Variants in METTL23 observed in about 807,000 individuals in gnomAD.
METTL23 encodes histone-arginine methyltransferase METTL23.
Under a neutral mutation model 21.2 loss-of-function variants are expected in METTL23, and 24 were observed. The observed-to-expected ratio is 1.13, with a 90% CI of 0.82 to 1.59. The LOEUF is 1.59. METTL23 is among the 40% of genes most tolerant of loss of function. METTL23 has a pLI of 0.00. For synonymous variants in METTL23, 97 were observed against 75.2 expected, an observed-to-expected ratio of 1.29 and a Z score of -1.50; for missense variants, 276 against 221.4, an observed-to-expected ratio of 1.25 and a Z score of -1.57.
At chr17:76,727,995 A>G (rs1598396052) in intron 1 of METTL23, among the ~76,000 whole-genome samples, 1 of 152,186 alleles carries the variant, frequency 6.6e-6, no homozygotes, top group East Asian at 1.9e-4. Flanking sequence ...AGAGAAGTTA[A>G]ATGGGAGGCG....
At chr17:76,727,678 C>T (rs2077003129) in intron 1 of METTL23, among the ~76,000 whole-genome samples, 1 of 152,238 alleles carries the variant, frequency 6.6e-6, no homozygotes, top group African/African-American at 2.4e-5. Flanking sequence ...TGGGTTGGAC[C>T]TCGCTTCTTC....
At position 76,733,849 on chromosome 17, in the gene METTL23, T is replaced by C. The variant is rs2077359629; in HGVS notation, c.*163T>C. 1 of 515,300 alleles carries C rather than the reference T, an allele frequency of 1.9e-6. No individual in the cohort carries two copies. Among genetic ancestry groups the C allele is most frequent in the East Asian group, 3.1e-5 (1 of 31,864 alleles). 31.9% of individuals were successfully genotyped at this position (515,300 alleles called of 1,614,324 possible). ...CACCTAGACAACACTTAAACTCATA[T>C]GAAACAAAAATTAAAATACGTATTA... is the stretch of plus-strand genomic sequence containing the variant. On this transcript the variant is annotated 3_prime_UTR_variant, in exon 5 of 5. Coordinates refer to ENST00000341249, the MANE Select transcript of METTL23 (RefSeq NM_001080510.5).
Position 76,733,675 on chromosome 17 carries a change from G to A in METTL23, c.562G>A (p.Asp188Asn), listed in dbSNP as rs1252152649. ...VEMLVISFAK[D>N]SL ...AATGCTGGTCATTTCCTTTGCAAAG[G>A]ACAGTCTCTGAATTATACCTACAAC... Residue 188 changes from aspartate (D) to asparagine (N), a missense_variant, in exon 5 of 5, where the codon GAC (aspartate) becomes AAC (asparagine). By Grantham distance (23) the Asp-to-Asn change is conservative (BLOSUM62 1). Coordinates refer to ENST00000341249, the MANE Select transcript of METTL23 (RefSeq NM_001080510.5). The A allele has an allele frequency of 3.1e-6, 5 of 1,612,902 alleles. No homozygotes were observed. The South Asian group carries it at 3.3e-5, about 11-fold the overall frequency.
chr17:76,726,838 C>T, upstream of METTL23: 1 of 430,576 alleles, frequency 2.3e-6, no homozygotes, highest in Non-Finnish European at 4.7e-6. Context: ...CTGTGCCCAT[C>T]ACTTCCGGTC....
intron 1 of METTL23, 145 bp downstream of exon 1, chr17:76,727,323 G>C (rs1308234604): frequency 1.5e-5 from 5 of 339,732 alleles, no homozygotes; most frequent in Non-Finnish European, 2.9e-5. Flanking sequence ...AAAAACGTCG[G>C]ATATGAAGCC....
intron 1 of METTL23, among the ~76,000 whole-genome samples, chr17:76,729,095 G>T (rs890607032): frequency 2.0e-5 from 3 of 149,660 alleles, no homozygotes; most frequent in Non-Finnish European, 4.4e-5. Flanking sequence ...CACCACGCCC[G>T]GCCATTTTTT....
chr17:76,733,549 TACAA>T lies in METTL23; in HGVS notation c.438_441del (p.Lys147GlyfsTer3). 1 of 1,613,616 alleles carries T rather than the reference TACAA, an allele frequency of 6.2e-7. No individual in the cohort carries two copies. The highest frequency in any genetic ancestry group is 8.5e-7 in the Non-Finnish European group (1 of 1,179,776). ...TGACTGGTCACTTGAAGCTTTACTC[TACAA>T]ATGGGATATGAAATGTGTCCACATT... On this transcript the variant is annotated frameshift_variant, in exon 5 of 5. Transcript: ENST00000341249. LOFTEE classifies it high-confidence loss of function.
chr17:76,726,277 C>A, upstream of METTL23: 3 of 1,496,168 alleles, frequency 2.0e-6, no homozygotes, highest in East Asian at 2.7e-5. Flanking sequence ...CAGCCTCGGG[C>A]CCAGAGAAAG....
chr17:76,727,843 G>A (rs576197438), intron 1 of METTL23, among the ~76,000 whole-genome samples: 8 of 152,228 alleles, frequency 5.3e-5, no homozygotes, highest in Admixed American at 6.5e-5. Context: ...TGATCCTCCC[G>A]CCTGCCTAAG....
Position 76,732,977 on chromosome 17 carries a change from G to C in METTL23, c.85-1G>C, listed in dbSNP as rs2077292772. 1 of 1,564,346 alleles carries C rather than the reference G, an allele frequency of 6.4e-7. No individual in the cohort carries two copies. On this transcript the variant is annotated splice_acceptor_variant, in intron 2 of 4. Transcript: ENST00000341249. LOFTEE classifies it high-confidence loss of function. ...AAATGCCATCTTTCATAACTTATTAGATTGGAGCTGGAGTGAGCCTTCCAG... is the reference window on the plus strand; with the variant it reads ...AAATGCCATCTTTCATAACTTATTACATTGGAGCTGGAGTGAGCCTTCCAG...
At chr17:76,732,430 G>A (rs555846926) in intron 2 of METTL23, among the ~76,000 whole-genome samples, 57 of 152,128 alleles carry the variant, frequency 3.7e-4, no homozygotes, top group African/African-American at 1.3e-3. Context: ...CCCGGGAGGC[G>A]GGGGTTGCAG....
intron 2 of METTL23, among the ~76,000 whole-genome samples, chr17:76,731,142 G>A (rs2077191245): frequency 2.0e-5 from 3 of 152,132 alleles, no homozygotes; most frequent in Middle Eastern, 3.4e-3. Flanking sequence ...AGGCCTGGTG[G>A]CACATGCCTG....
chr17:76,726,637 G>A (rs2076946352), upstream of METTL23: 5 of 970,836 alleles, frequency 5.2e-6, no homozygotes, highest in Non-Finnish European at 7.3e-6. Flanking sequence ...TCACTCCCCA[G>A]CCACCTCCCG....
chr17:76,727,620 G>C (rs2077001654), intron 1 of METTL23, among the ~76,000 whole-genome samples: 2 of 152,262 alleles, frequency 1.3e-5, no homozygotes, highest in African/African-American at 4.8e-5. Context: ...TTTTGTGTGA[G>C]TTTTGGGATC....
At chr17:76,726,594 TCCCGGCG>T, upstream of METTL23, 1 of 1,353,622 alleles carries the variant, frequency 7.4e-7, no homozygotes, top group Non-Finnish European at 9.8e-7. Context: ...CTTCGCTCAG[TCCCGGCG>T]CCTTTAAAGT....
chr17:76,730,492 T>C (rs1598404333), intron 2 of METTL23, among the ~76,000 whole-genome samples: 1 of 152,128 alleles, frequency 6.6e-6, no homozygotes, highest in Admixed American at 6.5e-5. Context: ...GCCTAAAATA[T>C]TGACTCTCTA....
chr17:76,733,445 ATAATT>A, intron 4 of METTL23, 68 bp downstream of exon 4: 1 of 1,598,484 alleles, frequency 6.3e-7, no homozygotes, highest in Non-Finnish European at 8.5e-7. Context: ...CATGCGATAC[ATAATT>A]TAAGAATAGA....
rs774908903 is a variant in METTL23, at chr17:76,733,613, T to C, written c.500T>C (p.Ile167Thr). ...LESFDADKED[I>T]AESTLPGRHT... Reference sequence around the variant, plus strand: ...TCTTTTGATGCAGACAAAGAAGATATAGCAGAATCTACCCTTCCAGGAAGA... The same window carrying C: ...TCTTTTGATGCAGACAAAGAAGATACAGCAGAATCTACCCTTCCAGGAAGA... The change falls in exon 5 of 5, where the codon ATA becomes ACA. Residue 167 changes from isoleucine (I) to threonine (T), a missense_variant. Ile to Thr is a moderately conservative substitution (Grantham distance 89). Transcript: ENST00000341249. 4.3e-6 allele frequency: 7 copies of C among 1,613,766 alleles called. No homozygotes were observed. The highest frequency in any genetic ancestry group is 1.1e-5 in the South Asian group (1 of 91,076).
At position 76,733,493 on chromosome 17, in the gene METTL23, TTTAAAAGAACAAC is replaced by T; in HGVS notation, c.408-25_408-13del. ...TGAAGCAAAACAGAAAAGGCATGAC[TTTAAAAGAACAAC>T]TTTTTTTTTTTAAGTGCTGACTGGT... On this transcript the variant is annotated splice_polypyrimidine_tract_variant and intron_variant, in intron 4 of 4. Coordinates refer to ENST00000341249, the MANE Select transcript of METTL23 (RefSeq NM_001080510.5). The T allele has an allele frequency of 6.2e-7, 1 of 1,602,120 alleles. No individual in the cohort carries two copies.
Sources: allele counts gnomAD v4.1 joint callset (sites outside exome capture counted in the v4.1 genomes callset), GRCh38; gene constraint gnomAD v4.1.1; transcripts MANE v1.5; gene names NCBI Gene and HGNC (gene_info 2026-07-23, HGNC 2026-07-21).